The following SCAF11 variants were observed in gnomAD, a reference collection of about 807,000 sequenced individuals.
SCAF11 encodes SR-related CTD associated factor 11, also known as protein SCAF11.
SCAF11 carries 47 observed loss-of-function variants against 140.5 expected under a neutral mutation model. The observed-to-expected ratio is 0.33, with a 90% confidence interval of 0.26 to 0.43. The LOEUF is 0.43. Among genes scored for constraint, SCAF11 ranks in the 20% least tolerant of loss-of-function variants. SCAF11 has a pLI of 1.00. For missense variants in SCAF11, 1,645 were observed against 1,705.1 expected, an observed-to-expected ratio of 0.96 and a Z score of 0.62; for synonymous variants, 557 against 579.4, an observed-to-expected ratio of 0.96 and a Z score of 0.55.
rs1348231258 is a variant in SCAF11 at position 45,923,066 on chromosome 12, A to C, written c.3995T>G (p.Val1332Gly). The C allele has an allele frequency of 6.2e-7, 1 of 1,614,120 alleles. No homozygotes were observed. Among genetic ancestry groups the C allele is most frequent in the South Asian group, 1.1e-5 (1 of 91,086 alleles). The change falls in exon 13 of 15, where the codon GTT (valine) becomes GGT (glycine). Residue 1332 changes from valine (V) to glycine (G), a missense_variant. Physicochemically the swap from Val to Gly is moderately radical, Grantham distance 109 (BLOSUM62 -3). Coordinates refer to ENST00000369367, the MANE Select transcript of SCAF11 (RefSeq NM_004719.3). Reference protein sequence around the residue: ...PTAAPGNTGMVQGPSSGNTSS... With the variant: ...PTAAPGNTGMGQGPSSGNTSS... ...AGTATTACCAGAACTTGGTCCCTGA[A>C]CCATTCCCGTATTTCCTGGGGCTGC...
intron 1 of SCAF11, among the ~76,000 whole-genome samples, chr12:45,989,381 CT>C (rs1392262250): frequency 6.6e-6 from 1 of 152,144 alleles, no homozygotes. Context: ...GCTTAAGTAT[CT>C]TAGGTCAGTG....
Position 45,927,504 on chromosome 12 carries a change from CTTCAGA to C in SCAF11, c.2191_2196del (p.Ser731_Glu732del), listed in dbSNP as rs751184641. 4.3e-5 allele frequency: 69 copies of C among 1,613,600 alleles called. No homozygotes were observed. Among genetic ancestry groups the C allele is most frequent in the Non-Finnish European group, 5.8e-5 (68 of 1,179,984 alleles). ...AGATCAGCATTTACAGATGGTTCAACTTCAGATTCATTTTGGTCACTGCAAAATGAA... is the reference window on the plus strand; with the variant it reads ...AGATCAGCATTTACAGATGGTTCAACTTCATTTTGGTCACTGCAAAATGAA... On this transcript the variant is annotated inframe_deletion, in exon 11 of 15. Coordinates refer to ENST00000369367, the MANE Select transcript of SCAF11 (RefSeq NM_004719.3).
chr12:45,985,961 T>C (rs946447662), intron 1 of SCAF11, among the ~76,000 whole-genome samples: 2 of 152,190 alleles, frequency 1.3e-5, no homozygotes, highest in Admixed American at 1.3e-4. Flanking sequence ...ACATTCTCTT[T>C]CTTTGGTTTC....
Position 45,962,842 on chromosome 12 carries a change from G to A in SCAF11, c.62-985C>T, listed in dbSNP as rs978540983. 3.9e-5 allele frequency among the ~76,000 whole-genome samples: 6 copies of A among 152,172 alleles called. No individual in the cohort carries two copies. The East Asian group carries it at 1.2e-3, about 29-fold the overall frequency. On this transcript the variant is annotated intron_variant, in intron 2 of 14. Transcript: ENST00000369367. ...AGAAACAAATACAAATCCTCTGGAG[G>A]AAAGAATACCTAAATTAGGCCCTCA...
intron 1 of SCAF11, among the ~76,000 whole-genome samples, chr12:45,983,115 C>A (rs369231473): frequency 6.6e-6 from 1 of 152,112 alleles, no homozygotes; most frequent in Non-Finnish European, 1.5e-5. Flanking sequence ...TTAGGACTTA[C>A]GTTGTGTTTC....
At chr12:45,972,562 T>A (rs1946098012) in intron 1 of SCAF11, among the ~76,000 whole-genome samples, 1 of 133,432 alleles carries the variant, frequency 7.5e-6, no homozygotes, top group Non-Finnish European at 1.5e-5. Flanking sequence ...TCAGCCTGGA[T>A]GCGACAGCAA....
chr12:45,987,073 C>T (rs1946474539), intron 1 of SCAF11, among the ~76,000 whole-genome samples: 1 of 152,072 alleles, frequency 6.6e-6, no homozygotes, highest in African/African-American at 2.4e-5. Context: ...AAACACAGAC[C>T]CCTTAGGCTG....
chr12:45,948,231 C>T (rs1029168250), intron 5 of SCAF11, among the ~76,000 whole-genome samples: 3 of 152,108 alleles, frequency 2.0e-5, no homozygotes, highest in African/African-American at 7.2e-5. Context: ...CCATGCCCAG[C>T]CAGAACCAAT....
At chr12:45,933,071 T>C in intron 9 of SCAF11, 60 bp downstream of exon 9, 2 of 1,081,006 alleles carry the variant, frequency 1.9e-6, no homozygotes, top group Non-Finnish European at 2.8e-6. Flanking sequence ...ACTTAAGTAC[T>C]AATGCTATCT....
At chr12:45,973,080 C>T (rs1946150838) in intron 1 of SCAF11, among the ~76,000 whole-genome samples, 1 of 145,520 alleles carries the variant, frequency 6.9e-6, no homozygotes, top group Non-Finnish European at 1.5e-5. Context: ...ACTTTTGAAA[C>T]AAATGGAAAG....
chr12:45,963,237 C>A (rs1385037698), intron 2 of SCAF11, among the ~76,000 whole-genome samples: 1 of 151,968 alleles, frequency 6.6e-6, no homozygotes, highest in African/African-American at 2.4e-5. Context: ...ACACATGAAC[C>A]AACAAAGGAA....
Position 45,927,627 on chromosome 12 carries a change from G to A in SCAF11, c.2074C>T (p.Pro692Ser). 1 of 1,612,626 alleles carries A rather than the reference G, an allele frequency of 6.2e-7. No homozygotes were observed. Among genetic ancestry groups the A allele is most frequent in the Non-Finnish European group, 8.5e-7 (1 of 1,179,970 alleles). Residue 692 changes from proline (P) to serine (S), a missense_variant, in exon 11 of 15, where the codon CCT becomes TCT. Pro to Ser is a moderately conservative substitution (Grantham distance 74, BLOSUM62 -1). Around this residue, in one of 2 missense-constraint regions of SCAF11, gnomAD observed 1,582 missense variants for 1,609.2 expected, o/e 0.98. Transcript: ENST00000369367. ...GTTTTAGGCAACTCTGTAGATCTAGGATGTTCGGTCAGCGATTCATTCTTT... is the reference window on the plus strand; with the variant it reads ...GTTTTAGGCAACTCTGTAGATCTAGAATGTTCGGTCAGCGATTCATTCTTT... The part of the protein sequence containing the change: ...EEKNESLTEH[P>S]RSTELPKTHI...
rs1034919502 is a variant in SCAF11 at position 45,934,029 on chromosome 12, TCC to T, written c.632+145_632+146del. On this transcript the variant is annotated intron_variant, in intron 8 of 14. Coordinates refer to ENST00000369367, the MANE Select transcript of SCAF11 (RefSeq NM_004719.3). ...TCTCTTTGCTAGAGCTAGTTTACCT[TCC>T]CCCCCGCCCAAAAAAAAACTAAAGC... The T allele has an allele frequency of 7.7e-6, 4 of 521,982 alleles. No individual in the cohort carries two copies. The East Asian group carries it at 1.3e-4, about 16-fold the overall frequency. 32.3% of individuals were successfully genotyped at this position (521,982 alleles called of 1,614,324 possible). A position where few individuals can be genotyped will look rare whatever the true frequency, so the allele number is the denominator to read the frequency against.
chr12:45,972,965 T>TAG (rs1196955410), intron 1 of SCAF11, among the ~76,000 whole-genome samples: 53 of 121,078 alleles, frequency 4.4e-4, no homozygotes, highest in African/African-American at 9.6e-4. Context: ...TATAGATATA[T>TAG]ATATAGATAT....
chr12:45,928,241 C>A lies in SCAF11; in HGVS notation c.1460G>T (p.Gly487Val), dbSNP rs1450698412. The change falls in exon 11 of 15, where the codon GGT (glycine) becomes GTT (valine). Residue 487 changes from glycine to valine, a missense_variant. Around this residue, in one of 2 missense-constraint regions of SCAF11, gnomAD observed 1,582 missense variants for 1,609.2 expected, o/e 0.98. Transcript: ENST00000369367. Reference protein sequence around the residue: ...SCAQDLPVLVGEEGEVKKLEN... With the variant: ...SCAQDLPVLVVEEGEVKKLEN... Reference sequence around the variant, plus strand: ...GAGTTTTTTAACTTCCCCTTCCTCACCAACTAGCACAGGAAGATCTTGAGC... The same window carrying A: ...GAGTTTTTTAACTTCCCCTTCCTCAACAACTAGCACAGGAAGATCTTGAGC... 6.2e-7 allele frequency: 1 copy of A among 1,613,900 alleles called. No homozygotes were observed. The highest frequency in any genetic ancestry group is 1.3e-5 in the African/African-American group (1 of 74,930).
chr12:45,972,986 A>C (rs1420029016), intron 1 of SCAF11, among the ~76,000 whole-genome samples: 2 of 140,150 alleles, frequency 1.4e-5, no homozygotes, highest in East Asian at 2.0e-4. Flanking sequence ...ATAGATATAT[A>C]GATATAGATA....
chr12:45,991,227 C>T (rs1946603155), upstream of SCAF11, among the ~76,000 whole-genome samples: 1 of 152,112 alleles, frequency 6.6e-6, no homozygotes, highest in African/African-American at 2.4e-5. Context: ...CGCCTGACTC[C>T]CCGAGCCTAG....
chr12:45,972,993 G>GATATATAGATAT, intron 1 of SCAF11, among the ~76,000 whole-genome samples: 1 of 135,586 alleles, frequency 7.4e-6, no homozygotes, highest in East Asian at 2.0e-4. Flanking sequence ...TATAGATATA[G>GATATATAGATAT]ATATATAGAT....
intron 6 of SCAF11, among the ~76,000 whole-genome samples, chr12:45,935,523 T>C (rs1945152178): frequency 6.6e-6 from 1 of 152,340 alleles, no homozygotes; most frequent in Admixed American, 6.5e-5. Context: ...ATAACACTCT[T>C]AGAAATAACC....
Sources: allele counts gnomAD v4.1 joint callset (sites outside exome capture counted in the v4.1 genomes callset), GRCh38; gene constraint gnomAD v4.1.1; regional missense constraint gnomAD v4.1.1; transcripts MANE v1.5; gene names NCBI Gene and HGNC (gene_info 2026-07-23, HGNC 2026-07-21).